Variants in KSR2 observed in about 807,000 individuals in gnomAD.
KSR2 encodes kinase suppressor of ras 2.
Under a neutral mutation model 107.8 loss-of-function variants are expected in KSR2, and 25 were observed. The ratio of observed to expected loss-of-function variants is 0.23; its 90% CI spans 0.17 to 0.32. The LOEUF is 0.32. KSR2 is among the 10% of genes least tolerant of loss of function. KSR2 has a pLI of 1.00. For missense variants in KSR2, 887 were observed against 1,268.9 expected, an observed-to-expected ratio of 0.70 and a Z score of 4.57; for synonymous variants, 480 against 507.0, an observed-to-expected ratio of 0.95 and a Z score of 0.71.
chr12:117,616,856 C>T (rs1199909351), intron 5 of KSR2, among the ~76,000 whole-genome samples: 1 of 152,208 alleles, frequency 6.6e-6, no homozygotes, highest in Admixed American at 6.5e-5. Context: ...GAAAGCCAGG[C>T]TCCATGATTC....
At chr12:117,638,718 C>G (rs937305381) in intron 5 of KSR2, among the ~76,000 whole-genome samples, 1 of 151,974 alleles carries the variant, frequency 6.6e-6, no homozygotes, top group Non-Finnish European at 1.5e-5. Flanking sequence ...AAATGCACAT[C>G]GGGGCTTCCA....
Position 117,946,931 on chromosome 12 carries a change from G to A in KSR2, c.180+21145C>T, listed in dbSNP as rs184846983. On this transcript the variant is annotated intron_variant, in intron 1 of 19. Coordinates refer to ENST00000339824, the MANE Select transcript of KSR2 (RefSeq NM_173598.6). ...TACAATCCCAGCAATTTGGGAGGCCGAGGCAGACGGATTACTTGAGGCTAG... is the reference window on the plus strand; with the variant it reads ...TACAATCCCAGCAATTTGGGAGGCCAAGGCAGACGGATTACTTGAGGCTAG... Among the ~76,000 whole-genome samples, 9 of 151,940 alleles carry A rather than the reference G, an allele frequency of 5.9e-5. No homozygotes were observed. In the East Asian group the frequency reaches 1.5e-3, roughly 26 times the overall value.
chr12:117,485,611 G>A lies in KSR2; in HGVS notation c.2300C>T (p.Ala767Val). The A allele has an allele frequency of 2.5e-6, 4 of 1,613,392 alleles. No individual in the cohort carries two copies. Among genetic ancestry groups the A allele is most frequent in the Non-Finnish European group, 3.4e-6 (4 of 1,179,394 alleles). Residue 767 changes from alanine (A) to valine (V), a missense_variant, in exon 15 of 20, where the codon GCT becomes GTT. Transcript: ENST00000339824. ...CGACAGTACCTTCACAATTTCTTGA[G>A]CAATCTGCCTGGTTTTGTTGACATC... ...VLDVNKTRQI[A>V]QEIVKGMGYL...
At chr12:117,485,787 G>A (rs1872430201) in intron 14 of KSR2, 96 bp from the exon 15 acceptor site, 5 of 804,976 alleles carry the variant, frequency 6.2e-6, no homozygotes, top group East Asian at 2.5e-5. Flanking sequence ...GCATAGACAC[G>A]TGGACATGCC....
intron 4 of KSR2, among the ~76,000 whole-genome samples, chr12:117,703,787 T>C (rs1001426): frequency 0.01 from 1,569 of 152,234 alleles, 22 homozygotes; most frequent in African/African-American, 0.036. Flanking sequence ...GGGGCATACG[T>C]CCTCCCAATC....
chr12:117,483,386 T>A (rs554509320), intron 16 of KSR2, among the ~76,000 whole-genome samples: 55 of 151,216 alleles, frequency 3.6e-4, no homozygotes, highest in African/African-American at 1.2e-3. Flanking sequence ...AAAAAATAAA[T>A]AAATAAAATA....
chr12:117,884,050 G>T (rs369159004), intron 1 of KSR2, among the ~76,000 whole-genome samples: 1 of 152,026 alleles, frequency 6.6e-6, no homozygotes, highest in African/African-American at 2.4e-5. Context: ...AAATAATGCC[G>T]TTTGTCCTGC....
At chr12:117,834,570 A>C (rs555379648) in intron 3 of KSR2, among the ~76,000 whole-genome samples, 1 of 152,332 alleles carries the variant, frequency 6.6e-6, no homozygotes, top group Non-Finnish European at 1.5e-5. Context: ...CAACAGGAGA[A>C]GCCCAAACAT....
chr12:117,504,160 A>G (rs997272980), intron 14 of KSR2, among the ~76,000 whole-genome samples: 14 of 152,232 alleles, frequency 9.2e-5, no homozygotes, highest in Admixed American at 3.9e-4. Context: ...ATTTGAAAAC[A>G]GAAAATAAAT....
At chr12:117,634,302 G>A (rs573846696) in intron 5 of KSR2, among the ~76,000 whole-genome samples, 2 of 152,294 alleles carry the variant, frequency 1.3e-5, no homozygotes, top group African/African-American at 4.8e-5. Context: ...CAGGTTTGAA[G>A]TTGTCATTCA....
intron 4 of KSR2, chr12:117,674,538 C>T: frequency 2.4e-6 from 1 of 419,432 alleles, no homozygotes; most frequent in Admixed American, 2.5e-5. Context: ...CCTGCACCAC[C>T]AATCAGCTTT....
At chr12:117,545,386 C>G (rs924877065) in intron 9 of KSR2, among the ~76,000 whole-genome samples, 1 of 152,022 alleles carries the variant, frequency 6.6e-6, no homozygotes, top group African/African-American at 2.4e-5. Context: ...CTTCTTTAAA[C>G]ATTTGGTAGT....
chr12:117,962,922 C>T (rs1039348721), intron 1 of KSR2, among the ~76,000 whole-genome samples: 3 of 149,512 alleles, frequency 2.0e-5, no homozygotes, highest in Admixed American at 1.3e-4. Flanking sequence ...TGATGGCTCA[C>T]GCCTATAATC....
At position 117,898,531 on chromosome 12, in the gene KSR2, G is replaced by A. The variant is rs141579484; in HGVS notation, c.181-38100C>T. 7.0e-3 allele frequency among the ~76,000 whole-genome samples: 1,064 copies of A among 151,950 alleles called. 10 individuals are homozygous for A. Among genetic ancestry groups the A allele is most frequent in the African/African-American group, 0.024 (977 of 41,418 alleles). ...GATGGGGTTTCACCATGTGGGCCAG[G>A]CTGGTCTCGAATTCCTGACCTCAAG... On this transcript the variant is annotated intron_variant, in intron 1 of 19. Coordinates refer to ENST00000339824, the MANE Select transcript of KSR2 (RefSeq NM_173598.6).
chr12:117,737,699 T>C (rs6490148), intron 4 of KSR2, among the ~76,000 whole-genome samples: 111,434 of 149,760 alleles, frequency 0.74, 42,956 homozygotes, highest in South Asian at 0.91. Flanking sequence ...ACGAGAATGG[T>C]TTGAACCCAG....
At chr12:117,597,744 A>T (rs1019691857) in intron 5 of KSR2, among the ~76,000 whole-genome samples, 4 of 152,258 alleles carry the variant, frequency 2.6e-5, no homozygotes, top group Non-Finnish European at 4.4e-5. Flanking sequence ...CAAGTATTAA[A>T]TATTCACCAG....
chr12:117,652,891 G>T (rs1444389280), intron 5 of KSR2, among the ~76,000 whole-genome samples: 2 of 152,202 alleles, frequency 1.3e-5, no homozygotes, highest in Non-Finnish European at 2.9e-5. Context: ...TTTCCCCAGT[G>T]CCAGAATGCT....
intron 3 of KSR2, among the ~76,000 whole-genome samples, chr12:117,781,338 G>A (rs535969670): frequency 6.6e-6 from 1 of 152,296 alleles, no homozygotes; most frequent in Admixed American, 6.5e-5. Context: ...AGGATGAGTG[G>A]CGGTTCATTA....
At chr12:117,684,107 C>T (rs1266525070) in intron 4 of KSR2, among the ~76,000 whole-genome samples, 1 of 152,178 alleles carries the variant, frequency 6.6e-6, no homozygotes, top group Non-Finnish European at 1.5e-5. Flanking sequence ...TCCCACTTCC[C>T]ATCACCTGGC....
Sources: gnomAD v4.1 joint callset for allele counts (sites outside exome capture counted in the v4.1 genomes callset) on GRCh38, gnomAD v4.1.1 for gene constraint, MANE v1.5 for transcripts, NCBI Gene and HGNC (gene_info 2026-07-23, HGNC 2026-07-21) for gene names.